MRPL48: variants seen among roughly 807,000 people sequenced by gnomAD.
MRPL48 encodes large ribosomal subunit protein mL48.
A neutral mutation model predicts 32.9 loss-of-function variants in MRPL48; 16 were observed. The observed-to-expected ratio is 0.49, with a 90% CI of 0.33 to 0.74. The LOEUF (loss-of-function observed/expected upper bound fraction) is 0.74, where lower values mean the gene tolerates loss of function less well. Among genes scored for constraint, MRPL48 ranks in the 30% least tolerant of loss-of-function variants. The probability of loss-of-function intolerance (pLI) is 0.02; values close to 1 mark genes in which losing one functional copy is unlikely to be tolerated. For missense variants in MRPL48, 206 were observed against 245.3 expected, an observed-to-expected ratio of 0.84 and a Z score of 1.07; for synonymous variants, 94 against 89.2, an observed-to-expected ratio of 1.05 and a Z score of -0.31.
intron 1 of MRPL48, among the ~76,000 whole-genome samples, chr11:73,801,463 T>C (rs1475708319): frequency 1.3e-5 from 2 of 152,180 alleles, no homozygotes; most frequent in Non-Finnish European, 2.9e-5. Flanking sequence ...ATTGCACACA[T>C]ACTTTACAAA....
intron 1 of MRPL48, among the ~76,000 whole-genome samples, chr11:73,798,396 C>A (rs1283292181): frequency 2.0e-5 from 3 of 152,008 alleles, no homozygotes; most frequent in Non-Finnish European, 4.4e-5. Context: ...GCCCGGCCAA[C>A]AAAAACAATT....
chr11:73,809,027 C>T (rs952961186), intron 3 of MRPL48, among the ~76,000 whole-genome samples: 1 of 152,006 alleles, frequency 6.6e-6, no homozygotes, highest in African/African-American at 2.4e-5. Context: ...GGCTTGTGAT[C>T]CTACCTACCC....
At chr11:73,790,371 G>T (rs1319273033) in intron 1 of MRPL48, among the ~76,000 whole-genome samples, 2 of 111,918 alleles carry the variant, frequency 1.8e-5, no homozygotes, top group Non-Finnish European at 3.6e-5. Flanking sequence ...CACCGCACCC[G>T]GCCTTTTTTT....
chr11:73,841,453 G>T (rs1022690490), intron 4 of MRPL48, among the ~76,000 whole-genome samples: 1 of 152,186 alleles, frequency 6.6e-6, no homozygotes, highest in Non-Finnish European at 1.5e-5. Context: ...TGGACTAGTA[G>T]CACATGAGAA....
At chr11:73,803,663 A>G (rs545034905) in intron 1 of MRPL48, among the ~76,000 whole-genome samples, 1 of 152,182 alleles carries the variant, frequency 6.6e-6, no homozygotes, top group South Asian at 2.1e-4. Flanking sequence ...CCATGTTGAA[A>G]GAATTAAAAT....
intron 4 of MRPL48, among the ~76,000 whole-genome samples, chr11:73,827,623 C>T (rs1485101577): frequency 6.6e-6 from 1 of 152,054 alleles, no homozygotes; most frequent in Non-Finnish European, 1.5e-5. Flanking sequence ...TTTGGGGAGA[C>T]TTCAATATCT....
chr11:73,862,636 T>G (rs1216452735), intron 6 of MRPL48, among the ~76,000 whole-genome samples: 1 of 151,558 alleles, frequency 6.6e-6, no homozygotes, highest in Non-Finnish European at 1.5e-5. Context: ...TCAGCCTGAG[T>G]TGGGTGCCAT....
rs12285303 is a variant in MRPL48 at position 73,798,229 on chromosome 11, C to T, written c.22-6798C>T. Among the ~76,000 whole-genome samples, 26 of 151,846 alleles carry T rather than the reference C, an allele frequency of 1.7e-4. No individual in the cohort carries two copies. In the South Asian group the frequency reaches 1.9e-3, roughly 11 times the overall value. The stretch of plus-strand genomic sequence containing the variant: ...AGTACCTGGGATTACAGGCGCCCAC[C>T]ACTGTGCCTGGCTAATTTTTGTATT... On this transcript the variant is annotated intron_variant, in intron 1 of 7. Transcript: ENST00000310614.
intron 1 of MRPL48, among the ~76,000 whole-genome samples, chr11:73,790,746 C>G (rs1035108258): frequency 2.0e-5 from 3 of 151,674 alleles, no homozygotes; most frequent in Non-Finnish European, 4.4e-5. Context: ...AGGCTAGTCT[C>G]GAACTCCTGG....
intron 5 of MRPL48, among the ~76,000 whole-genome samples, chr11:73,854,393 C>G (rs750180712): frequency 1.4e-4 from 21 of 152,216 alleles, no homozygotes; most frequent in Non-Finnish European, 2.5e-4. Flanking sequence ...AAGGGATTCT[C>G]AAGCCTCAGC....
intron 1 of MRPL48, 78 bp downstream of exon 1, chr11:73,788,070 G>A: frequency 1.3e-6 from 2 of 1,574,956 alleles, no homozygotes; most frequent in African/African-American, 1.4e-5. Context: ...AGGGTGCAGA[G>A]CGGGGAGGTG....
intron 3 of MRPL48, among the ~76,000 whole-genome samples, chr11:73,823,656 T>TTG (rs1947825929): frequency 1.4e-5 from 2 of 143,788 alleles, no homozygotes; most frequent in African/African-American, 5.1e-5. Flanking sequence ...TCTTTTCTGT[T>TTG]TTTTTTTTTT....
intron 3 of MRPL48, among the ~76,000 whole-genome samples, chr11:73,811,445 G>GT (rs72118238): frequency 0.31 from 46,288 of 151,592 alleles, 7,319 homozygotes; most frequent in African/African-American, 0.41. Flanking sequence ...TGAAGGAGAG[G>GT]TTTTTTTAAA....
chr11:73,853,398 TA>T (rs533964693), intron 5 of MRPL48, among the ~76,000 whole-genome samples: 1 of 151,864 alleles, frequency 6.6e-6, no homozygotes, highest in East Asian at 1.9e-4. Flanking sequence ...AATTAAACAT[TA>T]AAAAAAAGAG....
intron 5 of MRPL48, among the ~76,000 whole-genome samples, chr11:73,858,966 A>G (rs1389254583): frequency 6.6e-6 from 1 of 152,224 alleles, no homozygotes; most frequent in Admixed American, 6.5e-5. Flanking sequence ...GATTTTAGTA[A>G]GCATAAACTC....
At chr11:73,846,059 C>T (rs78871864) in intron 5 of MRPL48, among the ~76,000 whole-genome samples, 7,690 of 117,418 alleles carry the variant, frequency 0.065, 260 homozygotes, top group Middle Eastern at 0.16. Flanking sequence ...CAGAGCAAGA[C>T]CCTGTCTCAA....
At chr11:73,855,932 C>T (rs1257802771) in intron 5 of MRPL48, among the ~76,000 whole-genome samples, 2 of 152,186 alleles carry the variant, frequency 1.3e-5, no homozygotes, top group Non-Finnish European at 2.9e-5. Context: ...GCACTTCTTG[C>T]TCTTGTAATT....
At chr11:73,794,859 C>T (rs1182192949) in intron 1 of MRPL48, among the ~76,000 whole-genome samples, 1 of 150,312 alleles carries the variant, frequency 6.7e-6, no homozygotes, top group Non-Finnish European at 1.5e-5. Context: ...ATTCTCCTGC[C>T]TCGACCTCCT....
chr11:73,845,037 T>G (rs1285083527), intron 5 of MRPL48, 61 bp downstream of exon 5: 2 of 1,506,172 alleles, frequency 1.3e-6, no homozygotes, highest in African/African-American at 2.8e-5. Flanking sequence ...TGTTTTTTTG[T>G]TAAACTAGGC....
Sources: allele counts gnomAD v4.1 joint callset (sites outside exome capture counted in the v4.1 genomes callset), GRCh38; gene constraint gnomAD v4.1.1; transcripts MANE v1.5; gene names NCBI Gene and HGNC (gene_info 2026-07-23, HGNC 2026-07-21).